Variants in DACH1 observed in about 807,000 individuals in gnomAD.
DACH1 encodes dachshund family transcription factor 1.
Under a neutral mutation model 54.2 loss-of-function variants are expected in DACH1, and 12 were observed. That is an observed-to-expected ratio of 0.22 (90% CI 0.14 to 0.36). DACH1 has a LOEUF of 0.36. DACH1 is among the 10% of genes least tolerant of loss of function. DACH1 has a pLI of 1.00. For synonymous variants in DACH1, 386 were observed against 366.2 expected (o/e 1.05, Z -0.62); for missense variants, 805 against 929.8 (o/e 0.87, Z 1.75).
chr13:71,853,727 C>T (rs57143718), intron 1 of DACH1, among the ~76,000 whole-genome samples: 14,884 of 152,104 alleles, frequency 0.098, 1,475 homozygotes, highest in East Asian at 0.56. Context: ...TATTCTTTTC[C>T]TTTCAATCAA....
At chr13:71,612,654 T>C (rs1385797033) in intron 3 of DACH1, among the ~76,000 whole-genome samples, 5 of 152,126 alleles carry the variant, frequency 3.3e-5, no homozygotes, top group Non-Finnish European at 7.3e-5. Flanking sequence ...ATGCCAACAA[T>C]ATTAACGTTT....
At chr13:71,687,797 G>GTA (rs1881259367) in intron 1 of DACH1, among the ~76,000 whole-genome samples, 1 of 152,026 alleles carries the variant, frequency 6.6e-6, no homozygotes, top group African/African-American at 2.4e-5. Context: ...TTTGTAAAGA[G>GTA]CGAGTTTCAC....
intron 1 of DACH1, among the ~76,000 whole-genome samples, chr13:71,684,579 C>T (rs1287844374): frequency 6.6e-6 from 1 of 152,098 alleles, no homozygotes; most frequent in Admixed American, 6.6e-5. Context: ...CTTTAATCAT[C>T]CTTCTTACCA....
At chr13:71,692,566 A>G (rs1423987424) in intron 1 of DACH1, among the ~76,000 whole-genome samples, 3 of 109,108 alleles carry the variant, frequency 2.7e-5, no homozygotes, top group Non-Finnish European at 5.0e-5. Flanking sequence ...GTCACCACCC[A>G]GGCTGGAGTG....
chr13:71,553,575 T>C (rs904516819), intron 6 of DACH1, among the ~76,000 whole-genome samples: 4 of 146,588 alleles, frequency 2.7e-5, no homozygotes, highest in African/African-American at 9.9e-5. Context: ...CATTTTGTTT[T>C]TGCATTTTGT....
intron 6 of DACH1, among the ~76,000 whole-genome samples, chr13:71,548,647 G>T (rs552577995): frequency 6.6e-5 from 10 of 152,144 alleles, no homozygotes; most frequent in Admixed American, 1.3e-4. Flanking sequence ...GCACTGTGTG[G>T]TGCTCACGCC....
chr13:71,499,136 G>GACACACACACAC (rs3075798), intron 6 of DACH1, among the ~76,000 whole-genome samples: 9 of 149,198 alleles, frequency 6.0e-5, no homozygotes, highest in Non-Finnish European at 1.0e-4. Context: ...CACACACGCA[G>GACACACACACAC]ACACACACAC....
intron 2 of DACH1, among the ~76,000 whole-genome samples, chr13:71,668,752 C>A (rs1880028800): frequency 6.6e-6 from 1 of 151,988 alleles, no homozygotes; most frequent in Middle Eastern, 3.2e-3. Context: ...TGGTGAAACC[C>A]TGTCTCTACT....
intron 1 of DACH1, among the ~76,000 whole-genome samples, chr13:71,854,125 T>A (rs1873847168): frequency 6.6e-6 from 1 of 152,150 alleles, no homozygotes; most frequent in African/African-American, 2.4e-5. Context: ...TAATTTTATT[T>A]CCTAAGCTTG....
intron 1 of DACH1, among the ~76,000 whole-genome samples, chr13:71,714,201 G>A (rs1281182963): frequency 3.3e-5 from 5 of 151,942 alleles, no homozygotes; most frequent in Non-Finnish European, 7.4e-5. Context: ...TAGGAGAGTT[G>A]GATCATGTGG....
chr13:71,830,794 A>G (rs146987012), intron 1 of DACH1, among the ~76,000 whole-genome samples: 7 of 151,930 alleles, frequency 4.6e-5, no homozygotes, highest in Non-Finnish European at 1.0e-4. Flanking sequence ...ATCCCATCTT[A>G]TTTACTTTTG....
intron 3 of DACH1, among the ~76,000 whole-genome samples, chr13:71,601,183 T>A (rs1199691251): frequency 1.3e-5 from 2 of 152,090 alleles, no homozygotes; most frequent in African/African-American, 4.8e-5. Context: ...TTTATTTACA[T>A]GTGTCCTTGC....
chr13:71,516,556 AAC>A (rs1269654766), intron 6 of DACH1, among the ~76,000 whole-genome samples: 1 of 151,800 alleles, frequency 6.6e-6, no homozygotes, highest in Non-Finnish European at 1.5e-5. Flanking sequence ...CCCACCTTAA[AAC>A]ACATATATAT....
Position 71,794,031 on chromosome 13 carries a change from C to T in DACH1, c.848+71891G>A, listed in dbSNP as rs1370672880. Among the ~76,000 whole-genome samples the T allele has an allele frequency of 3.3e-5, 5 of 151,630 alleles. No individual in the cohort carries two copies. The East Asian group carries it at 1.0e-3, about 30-fold the overall frequency. ...GGCAGGCATTTTGCTGTGTTTAATG[C>T]TATAATTAGGTCCAATTATTATCCA... On this transcript the variant is annotated intron_variant, in intron 1 of 10. Transcript: ENST00000613252.
chr13:71,536,210 G>A (rs1882786394), intron 6 of DACH1, among the ~76,000 whole-genome samples: 1 of 152,010 alleles, frequency 6.6e-6, no homozygotes, highest in South Asian at 2.1e-4. Flanking sequence ...ATTGATAAAT[G>A]TATTCAGAAA....
At chr13:71,716,376 C>T (rs185800759) in intron 1 of DACH1, among the ~76,000 whole-genome samples, 99 of 152,228 alleles carry the variant, frequency 6.5e-4, no homozygotes, top group Admixed American at 2.4e-3. Context: ...TCATAGCATA[C>T]AAGACTCTTC....
chr13:71,586,308 T>C (rs910560409), intron 3 of DACH1, among the ~76,000 whole-genome samples: 5 of 152,146 alleles, frequency 3.3e-5, no homozygotes, highest in Non-Finnish European at 7.4e-5. Flanking sequence ...AAAGGGAATA[T>C]TCCTCCCAAA....
At chr13:71,444,279 G>C (rs1055211044) in intron 10 of DACH1, among the ~76,000 whole-genome samples, 3 of 152,096 alleles carry the variant, frequency 2.0e-5, no homozygotes, top group Admixed American at 1.3e-4. Flanking sequence ...AAAAGATGGA[G>C]TGTTGATACT....
chr13:71,702,647 T>C (rs1243894525), intron 1 of DACH1, among the ~76,000 whole-genome samples: 1 of 152,128 alleles, frequency 6.6e-6, no homozygotes, highest in Admixed American at 6.6e-5. Flanking sequence ...TACCCTAACA[T>C]CTTTCCTGAA....
Sources: allele counts gnomAD v4.1 joint callset (sites outside exome capture counted in the v4.1 genomes callset), GRCh38; gene constraint gnomAD v4.1.1; transcripts MANE v1.5; gene names NCBI Gene and HGNC (gene_info 2026-07-23, HGNC 2026-07-21).